SGCZ: variants seen among roughly 807,000 people sequenced by gnomAD.
The protein encoded by SGCZ is sarcoglycan zeta, also known as zeta-sarcoglycan.
Under a neutral mutation model 41.3 loss-of-function variants are expected in SGCZ, and 40 were observed. The observed-to-expected ratio is 0.97, with a 90% CI of 0.75 to 1.26. The LOEUF (loss-of-function observed/expected upper bound fraction) is 1.26. SGCZ is among the 50% of genes most tolerant of loss of function. The pLI, the probability that SGCZ is intolerant of heterozygous loss-of-function variation, is 0.00. For missense variants in SGCZ, 552 were observed against 369.8 expected (o/e 1.49, Z -4.04); for synonymous variants, 206 against 137.5 (o/e 1.50, Z -3.49).
At chr8:14,948,895 C>G (rs1321232569) in intron 1 of SGCZ, among the ~76,000 whole-genome samples, 1 of 151,874 alleles carries the variant, frequency 6.6e-6, no homozygotes, top group Non-Finnish European at 1.5e-5. Flanking sequence ...CTCTCTCTCT[C>G]TCAAAATTCC....
At chr8:14,471,761 T>A (rs1445888792) in intron 2 of SGCZ, among the ~76,000 whole-genome samples, 2 of 152,070 alleles carry the variant, frequency 1.3e-5, no homozygotes, top group Non-Finnish European at 2.9e-5. Context: ...ATTTAAGAAA[T>A]CACTCCAAGT....
chr8:14,905,296 C>T (rs573328500), intron 1 of SGCZ, among the ~76,000 whole-genome samples: 1 of 151,658 alleles, frequency 6.6e-6, no homozygotes, highest in South Asian at 2.1e-4. Flanking sequence ...AAGGAAAAAC[C>T]GATTAAAAAG....
intron 1 of SGCZ, among the ~76,000 whole-genome samples, chr8:14,585,422 C>G (rs1305408168): frequency 6.6e-6 from 1 of 151,858 alleles, no homozygotes; most frequent in African/African-American, 2.4e-5. Flanking sequence ...ATACTTCTTT[C>G]TATTTTTTCT....
At chr8:14,630,685 T>C (rs947203158) in intron 1 of SGCZ, among the ~76,000 whole-genome samples, 2 of 133,418 alleles carry the variant, frequency 1.5e-5, no homozygotes, top group African/African-American at 5.4e-5. Flanking sequence ...TGGAATACTA[T>C]GCAGCCATAA....
chr8:14,344,865 G>A (rs1020161238), intron 2 of SGCZ, among the ~76,000 whole-genome samples: 11 of 151,868 alleles, frequency 7.2e-5, no homozygotes, highest in African/African-American at 2.7e-4. Context: ...TCAAGTTTAG[G>A]AGAGAACGTG....
rs181744247 is a variant in SGCZ, at chr8:14,345,312, T to C, written c.235-21108A>G. Among the ~76,000 whole-genome samples the C allele has an allele frequency of 3.8e-4, 58 of 152,200 alleles. 1 individual carries two copies. Among genetic ancestry groups the C allele is most frequent in the Middle Eastern group, 6.8e-3 (2 of 294 alleles). On this transcript the variant is annotated intron_variant, in intron 2 of 7. Transcript: ENST00000382080. ...AAGAATGTGAAACACGTGGAACCTCTCATATACTACCCGGTGAGAAGGCAC... is the reference window on the plus strand; with the variant it reads ...AAGAATGTGAAACACGTGGAACCTCCCATATACTACCCGGTGAGAAGGCAC...
intron 1 of SGCZ, among the ~76,000 whole-genome samples, chr8:14,894,237 G>C (rs1669540945): frequency 6.6e-6 from 1 of 151,632 alleles, no homozygotes; most frequent in Non-Finnish European, 1.5e-5. Context: ...TTTCAAAAAA[G>C]AACTGCTTTC....
chr8:15,050,581 T>C (rs934564957), intron 1 of SGCZ, among the ~76,000 whole-genome samples: 3 of 152,112 alleles, frequency 2.0e-5, no homozygotes, highest in African/African-American at 7.2e-5. Context: ...GAAGTGAGTG[T>C]TACAAGTAAG....
chr8:15,215,836 C>A (rs1801381662), intron 1 of SGCZ, among the ~76,000 whole-genome samples: 1 of 152,148 alleles, frequency 6.6e-6, no homozygotes. Flanking sequence ...AAGTAAAATT[C>A]TTTGGCAGCC....
intron 3 of SGCZ, among the ~76,000 whole-genome samples, chr8:14,253,375 G>C (rs940151416): frequency 6.6e-6 from 1 of 151,762 alleles, no homozygotes; most frequent in Non-Finnish European, 1.5e-5. Context: ...TAAGATAAAA[G>C]CATAGTGCTT....
At chr8:14,290,310 T>C (rs995721652) in intron 3 of SGCZ, among the ~76,000 whole-genome samples, 1 of 81,136 alleles carries the variant, frequency 1.2e-5, no homozygotes, top group Non-Finnish European at 2.9e-5. Context: ...CAGAGGTACA[T>C]AGGCAACAAA....
At chr8:14,997,363 A>T (rs1161027918) in intron 1 of SGCZ, among the ~76,000 whole-genome samples, 2 of 152,218 alleles carry the variant, frequency 1.3e-5, no homozygotes, top group Non-Finnish European at 2.9e-5. Flanking sequence ...ATAACAAAGC[A>T]TATACTACCT....
chr8:15,033,085 C>A (rs894532032), intron 1 of SGCZ, among the ~76,000 whole-genome samples: 2 of 152,064 alleles, frequency 1.3e-5, no homozygotes, highest in Non-Finnish European at 2.9e-5. Flanking sequence ...ATTCCTATGA[C>A]CTCAAGCTCT....
chr8:14,451,771 T>C (rs1238401380), intron 2 of SGCZ, among the ~76,000 whole-genome samples: 2 of 152,138 alleles, frequency 1.3e-5, no homozygotes, highest in African/African-American at 2.4e-5. Context: ...TTTAATAAAA[T>C]GCAAATTAAA....
intron 4 of SGCZ, among the ~76,000 whole-genome samples, chr8:14,233,298 C>T (rs977138482): frequency 4.0e-5 from 6 of 151,734 alleles, no homozygotes; most frequent in Admixed American, 6.6e-5. Context: ...CAATATATAG[C>T]TTAATAACAG....
chr8:14,887,499 A>G (rs1804854899), intron 1 of SGCZ, among the ~76,000 whole-genome samples: 1 of 152,210 alleles, frequency 6.6e-6, no homozygotes, highest in Non-Finnish European at 1.5e-5. Flanking sequence ...TGGTAAGGAT[A>G]TTATTGGGTT....
chr8:14,928,181 T>A (rs1339179173), intron 1 of SGCZ, among the ~76,000 whole-genome samples: 1 of 152,150 alleles, frequency 6.6e-6, no homozygotes, highest in Non-Finnish European at 1.5e-5. Context: ...CTCTGAGTAA[T>A]AAGGAAATTA....
intron 1 of SGCZ, among the ~76,000 whole-genome samples, chr8:14,989,737 T>C (rs919089051): frequency 6.6e-6 from 1 of 152,224 alleles, no homozygotes; most frequent in African/African-American, 2.4e-5. Context: ...GAGTGTTCTT[T>C]AGTTAAGCAG....
intron 3 of SGCZ, among the ~76,000 whole-genome samples, chr8:14,317,469 T>C (rs1801756346): frequency 6.6e-6 from 1 of 151,864 alleles, no homozygotes; most frequent in Non-Finnish European, 1.5e-5. Context: ...AATAATAAAA[T>C]TTCAAGAAAA....
Sources: allele counts gnomAD v4.1 joint callset (sites outside exome capture counted in the v4.1 genomes callset), GRCh38; gene constraint gnomAD v4.1.1; transcripts MANE v1.5; gene names NCBI Gene and HGNC (gene_info 2026-07-23, HGNC 2026-07-21).